Variants in ZNF287 observed in about 807,000 individuals in gnomAD.
ZNF287 encodes the protein zinc finger protein 287, also known as zinc finger protein with KRAB and SCAN domains 13.
ZNF287 carries 31 observed loss-of-function variants against 73.7 expected under a neutral mutation model. The observed-to-expected ratio is 0.42, with a 90% CI of 0.32 to 0.57. ZNF287 has a LOEUF of 0.57. Ranked by LOEUF, ZNF287 falls within the 20% of genes least tolerant of loss-of-function variation. The pLI, the probability that ZNF287 is intolerant of heterozygous loss-of-function variation, is 0.13. For missense variants in ZNF287, 641 were observed against 909.3 expected, an observed-to-expected ratio of 0.70 and a Z score of 3.79; for synonymous variants, 301 against 307.2, an observed-to-expected ratio of 0.98 and a Z score of 0.21.
chr17:16,564,441 G>A (rs1466973932), intron 3 of ZNF287, among the ~76,000 whole-genome samples: 1 of 152,052 alleles, frequency 6.6e-6, no homozygotes, highest in Non-Finnish European at 1.5e-5. Context: ...GAACTCAAGC[G>A]ATCCTTCACC....
At chr17:16,556,038 T>C (rs1233521066) in intron 5 of ZNF287, among the ~76,000 whole-genome samples, 1 of 131,142 alleles carries the variant, frequency 7.6e-6, no homozygotes, top group Non-Finnish European at 1.5e-5. Context: ...TGATAACTGA[T>C]AGGTAGGTCT....
At chr17:16,559,519 T>C (rs1907283170) in intron 5 of ZNF287, among the ~76,000 whole-genome samples, 1 of 151,996 alleles carries the variant, frequency 6.6e-6, no homozygotes, top group African/African-American at 2.4e-5. Flanking sequence ...AATATCCTTG[T>C]GGTGTCAGAT....
chr17:16,566,664 T>G, intron 2 of ZNF287, 42 bp from the exon 3 acceptor site: 1 of 1,473,414 alleles, frequency 6.8e-7, no homozygotes, highest in Non-Finnish European at 9.4e-7. Context: ...TAGTCCTTTC[T>G]GAATAGCCTA....
chr17:16,555,125 TTCA>T (rs1340806929), intron 5 of ZNF287, among the ~76,000 whole-genome samples: 3 of 152,172 alleles, frequency 2.0e-5, no homozygotes, highest in Admixed American at 6.5e-5. Context: ...GTTGGTCGAC[TTCA>T]TCATTGTGTG....
At chr17:16,560,611 G>A (rs1017696311) in intron 5 of ZNF287, among the ~76,000 whole-genome samples, 1 of 151,872 alleles carries the variant, frequency 6.6e-6, no homozygotes, top group African/African-American at 2.4e-5. Context: ...GCCTCCCAAA[G>A]TGCTGGGATT....
chr17:16,554,476 A>G (rs1431259426), intron 5 of ZNF287, among the ~76,000 whole-genome samples: 1 of 152,172 alleles, frequency 6.6e-6, no homozygotes, highest in Non-Finnish European at 1.5e-5. Context: ...ACCTGGCCTA[A>G]AGTTATCCAC....
chr17:16,567,646 G>T lies in ZNF287; in HGVS notation c.86C>A (p.Pro29His). 1 of 1,614,086 alleles carries T rather than the reference G, an allele frequency of 6.2e-7. No individual in the cohort carries two copies. The highest frequency in any genetic ancestry group is 8.5e-7 in the Non-Finnish European group (1 of 1,180,020). Reference sequence around the variant, plus strand: ...AAGGATTTCCTTCTCAACATTGTAGGGTCCACTCTGAGCCTTGTCTGACTT... The same window carrying T: ...AAGGATTTCCTTCTCAACATTGTAGTGTCCACTCTGAGCCTTGTCTGACTT... Reference protein sequence around the residue: ...RWKSDKAQSGPYNVEKEILTS... With the variant: ...RWKSDKAQSGHYNVEKEILTS... Residue 29 changes from proline (P) to histidine (H), a missense_variant, in exon 2 of 6, where the codon CCC becomes CAC. Transcript: ENST00000395825.
At chr17:16,558,604 C>G (rs1907224555) in intron 5 of ZNF287, among the ~76,000 whole-genome samples, 2 of 152,144 alleles carry the variant, frequency 1.3e-5, no homozygotes, top group Non-Finnish European at 2.9e-5. Context: ...CTGGCCATAT[C>G]ATATTTGTCA....
In ZNF287 at chr17:16,567,318, A is replaced by G. The variant is rs747068746; in HGVS notation, c.403+11T>C. On this transcript the variant is annotated intron_variant, in intron 2 of 5. Transcript: ENST00000395825. ...CAGGGATTCCTCCCCTCTCTGCTCT[A>G]TGATTCTCACCTTCCTCTTCTAGAA... The G allele has an allele frequency of 1.2e-6, 2 of 1,606,476 alleles. No homozygotes were observed. Among genetic ancestry groups the G allele is most frequent in the Non-Finnish European group, 1.7e-6 (2 of 1,175,456 alleles).
At position 16,549,697 on chromosome 17, in the gene ZNF287, G is replaced by C. The variant is rs1284082655; in HGVS notation, c.*2159C>G. 6.6e-6 allele frequency among the ~76,000 whole-genome samples: 1 copy of C among 152,188 alleles called. No homozygotes were observed. The highest frequency in any genetic ancestry group is 1.5e-5 in the Non-Finnish European group (1 of 68,022). On this transcript the variant is annotated 3_prime_UTR_variant, in exon 6 of 6. Coordinates refer to ENST00000395825, the MANE Select transcript of ZNF287 (RefSeq NM_020653.4). ...TGTTTGTAGGATGGTTTTATAAACA[G>C]TAATGTCCAAAGGAAGTTGCATGGT...
At chr17:16,565,712 C>T (rs551772535) in intron 3 of ZNF287, among the ~76,000 whole-genome samples, 4 of 152,190 alleles carry the variant, frequency 2.6e-5, no homozygotes, top group South Asian at 2.1e-4. Context: ...CATGGCCGGG[C>T]GCGGTGGCTC....
Position 16,548,533 on chromosome 17 carries a change from C to T in ZNF287, c.*3323G>A, listed in dbSNP as rs1906421086. On this transcript the variant is annotated 3_prime_UTR_variant, in exon 6 of 6. Coordinates refer to ENST00000395825, the MANE Select transcript of ZNF287 (RefSeq NM_020653.4). ...GAAAAACTGTCCGGGCGCGGTGGTTCACGCCTGTAATGCCAGTACTTTGGG... is the reference window on the plus strand; with the variant it reads ...GAAAAACTGTCCGGGCGCGGTGGTTTACGCCTGTAATGCCAGTACTTTGGG... Among the ~76,000 whole-genome samples the T allele has an allele frequency of 6.6e-6, 1 of 152,102 alleles. No homozygotes were observed. Among genetic ancestry groups the T allele is most frequent in the South Asian group, 2.1e-4 (1 of 4,824 alleles).
At chr17:16,561,737 A>T (rs1208582927) in intron 5 of ZNF287, among the ~76,000 whole-genome samples, 1 of 152,178 alleles carries the variant, frequency 6.6e-6, no homozygotes, top group East Asian at 1.9e-4. Flanking sequence ...TTAAAAAAGA[A>T]AAAAGGCTGG....
At position 16,553,143 on chromosome 17, in the gene ZNF287, G is replaced by A; in HGVS notation, c.999C>T (p.Thr333=). 19 of 1,609,410 alleles carry A rather than the reference G, an allele frequency of 1.2e-5. No individual in the cohort carries two copies. Among genetic ancestry groups the A allele is most frequent in the Non-Finnish European group, 1.6e-5 (19 of 1,175,872 alleles). The stretch of plus-strand genomic sequence containing the variant: ...ACACAGAAGTTTTATTATCTAATTG[G>A]GTATCAAACTGTACAATTAGGTTTG... ...KHSNLIVQFD[T]QLDNKTSVYN... is the part of the protein sequence containing the mutation. The change falls in exon 6 of 6, where the codon ACC becomes ACT. Residue 333 remains threonine (T), a synonymous_variant. Transcript: ENST00000395825.
intron 5 of ZNF287, 25 bp downstream of exon 5, chr17:16,563,121 A>G (rs898172044): frequency 4.6e-6 from 7 of 1,524,058 alleles, no homozygotes; most frequent in Non-Finnish European, 6.3e-6. Context: ...AATACAAAGA[A>G]GCTCATGCGC....
Position 16,552,525 on chromosome 17 carries a change from A to G in ZNF287, c.1617T>C (p.Asn539=), listed in dbSNP as rs368473415. The change falls in exon 6 of 6, where the codon AAT becomes AAC. Residue 539 remains asparagine, a synonymous_variant. Coordinates refer to ENST00000395825, the MANE Select transcript of ZNF287 (RefSeq NM_020653.4). This position sits in a 1 kb window ranked among gnomAD's most constrained non-coding sequence, Gnocchi z 6.5. The part of the protein sequence containing the change: ...IHTGKKPYKC[N]ECWKVFSQST... ...TCTGACTAAACACTTTCCAACATTC[A>G]TTGCATTTATATGGTTTCTTCCCAG... The G allele has an allele frequency of 5.0e-6, 8 of 1,613,996 alleles. No homozygotes were observed. In the Admixed American group the frequency reaches 6.7e-5, roughly 13 times the overall value.
In ZNF287 at chr17:16,547,509, C is replaced by A. The variant is rs75034279; in HGVS notation, c.*4347G>T. On this transcript the variant is annotated 3_prime_UTR_variant, in exon 6 of 6. Transcript: ENST00000395825. ...CTTAACAAGATTTAGTTGTTTGCAC[C>A]CGAAAGTTTATCCCAGTTATGTAAT... 0.029 allele frequency among the ~76,000 whole-genome samples: 4,430 copies of A among 152,140 alleles called. 91 individuals carry two copies. The highest frequency in any genetic ancestry group is 0.034 in the Middle Eastern group (10 of 294).
chr17:16,563,893 G>T, intron 3 of ZNF287, 68 bp from the exon 4 acceptor site: 1 of 1,550,732 alleles, frequency 6.4e-7, no homozygotes. Context: ...ATAACACTGG[G>T]TATATGTATG....
chr17:16,560,352 CTCT>C (rs999013951), intron 5 of ZNF287, among the ~76,000 whole-genome samples: 5 of 140,136 alleles, frequency 3.6e-5, no homozygotes, highest in East Asian at 2.2e-4. Flanking sequence ...GGAGGGAGAG[CTCT>C]TCTTTTTTTT....
Sources: gnomAD v4.1 joint callset for allele counts (sites outside exome capture counted in the v4.1 genomes callset) on GRCh38, gnomAD v4.1.1 for gene constraint, Gnocchi (gnomAD v3.1) non-coding constraint, MANE v1.5 for transcripts, NCBI Gene and HGNC (gene_info 2026-07-23, HGNC 2026-07-21) for gene names.